The following DKKL1 variants were observed in gnomAD, a reference collection of about 807,000 sequenced individuals.
DKKL1 encodes dickkopf like acrosomal protein 1, also known as dickkopf-like protein 1.
DKKL1 carries 11 observed loss-of-function variants against 16.5 expected under a neutral mutation model. The observed-to-expected ratio is 0.67, with a 90% CI of 0.42 to 1.10. The LOEUF is 1.10. Among genes scored for constraint, DKKL1 ranks in the 50% least tolerant of loss-of-function variants. DKKL1 has a pLI of 0.00. For synonymous variants in DKKL1, 119 were observed against 133.2 expected (o/e 0.89, Z 0.73); for missense variants, 320 against 308.1 (o/e 1.04, Z -0.29).
At position 49,375,108 on chromosome 19, in the gene DKKL1, T is replaced by C; in HGVS notation, c.*80T>C. Reference sequence around the variant, plus strand: ...ACCATATGGAAATAAAGTTCTTTCTTACATCTAACAACACCATCTCCTTTC... The same window carrying C: ...ACCATATGGAAATAAAGTTCTTTCTCACATCTAACAACACCATCTCCTTTC... On this transcript the variant is annotated 3_prime_UTR_variant, in exon 5 of 5. Transcript: ENST00000221498. 1 of 1,434,906 alleles carries C rather than the reference T, an allele frequency of 7.0e-7. No homozygotes were observed. The allele number at this position is 1,434,906 out of a possible 1,614,324, so 88.9% of individuals were successfully genotyped here.
At chr19:49,362,792 C>G (rs1031392060), upstream of DKKL1, among the ~76,000 whole-genome samples, 4 of 151,504 alleles carry the variant, frequency 2.6e-5, no homozygotes, top group African/African-American at 9.7e-5. Context: ...CGGGGCTAGG[C>G]GCCTGGAATC....
At chr19:49,370,565 C>T (rs1171212448) in intron 4 of DKKL1, 1 of 151,670 alleles carries the variant, frequency 6.6e-6, no homozygotes, top group Non-Finnish European at 1.5e-5. Flanking sequence ...AATTTAAAGG[C>T]TGACAAATGA....
intron 4 of DKKL1, 96 bp downstream of exon 4, chr19:49,365,981 G>A (rs997481406): frequency 8.6e-7 from 1 of 1,164,550 alleles, no homozygotes; most frequent in Non-Finnish European, 1.2e-6. Flanking sequence ...AGGCTGGAGT[G>A]CAGTGGCACG....
Position 49,374,922 on chromosome 19 carries a change from C to T in DKKL1, c.623C>T (p.Thr208Ile), listed in dbSNP as rs532043098. The change falls in exon 5 of 5, where the codon ACC becomes ATC. Residue 208 changes from threonine to isoleucine, a missense_variant. By Grantham distance (89) the Thr-to-Ile change is moderately conservative. Coordinates refer to ENST00000221498, the MANE Select transcript of DKKL1 (RefSeq NM_014419.4). ...ATCCGGGATGGACTCCGCAAGGGGA[C>T]CCACAAGGACGTCCTAGAAGAGGGG... ...QAIRDGLRKG[T>I]HKDVLEEGTE... 333 of 1,613,956 alleles carry T rather than the reference C, an allele frequency of 2.1e-4. 3 individuals are homozygous for T. The South Asian group carries it at 3.5e-3, about 17-fold the overall frequency.
upstream of DKKL1, among the ~76,000 whole-genome samples, chr19:49,362,911 G>GGTTT (rs1555787010): frequency 3.1e-4 from 43 of 137,072 alleles, 1 homozygote; most frequent in African/African-American, 1.1e-3. Flanking sequence ...TTGGTTTTTG[G>GGTTT]TTTTTTTGTT....
chr19:49,364,044 AGTGAGGAAAAGACCATTGG>A, intron 1 of DKKL1, 36 bp downstream of exon 1: 1 of 1,611,530 alleles, frequency 6.2e-7, no homozygotes, highest in Non-Finnish European at 8.5e-7. Context: ...CGTGGGCGAA[AGTGAGGAAAAGACCATTGG>A]ATGAGGCCGG....
In DKKL1 at chr19:49,364,656, G is replaced by C; in HGVS notation, c.85G>C (p.Ala29Pro). 1 of 1,613,734 alleles carries C rather than the reference G, an allele frequency of 6.2e-7. No homozygotes were observed. Among genetic ancestry groups the C allele is most frequent in the Non-Finnish European group, 8.5e-7 (1 of 1,179,958 alleles). Reference sequence around the variant, plus strand: ...CCTCTCTACCCTGGTGATCCCCTCCGCTGCAGCTCCTATCCATGATGCTGA... The same window carrying C: ...CCTCTCTACCCTGGTGATCCCCTCCCCTGCAGCTCCTATCCATGATGCTGA... ...LLLSTLVIPS[A>P]AAPIHDADAQ... The change falls in exon 2 of 5, where the codon GCT (alanine) becomes CCT (proline). Residue 29 changes from alanine to proline, a missense_variant. By Grantham distance (27) the Ala-to-Pro change is conservative. Coordinates refer to ENST00000221498, the MANE Select transcript of DKKL1 (RefSeq NM_014419.4).
intron 4 of DKKL1, among the ~76,000 whole-genome samples, chr19:49,367,659 G>A (rs1973308489): frequency 6.6e-6 from 1 of 152,114 alleles, no homozygotes. Flanking sequence ...AACTGCCTTG[G>A]CCTCCCAAGG....
intron 4 of DKKL1, among the ~76,000 whole-genome samples, chr19:49,366,925 C>G (rs1453071119): frequency 1.3e-5 from 2 of 152,024 alleles, no homozygotes; most frequent in East Asian, 1.9e-4. Flanking sequence ...CCAGGCTGGT[C>G]TCGAACTCCT....
chr19:49,362,692 C>A (rs944718931), upstream of DKKL1, among the ~76,000 whole-genome samples: 1 of 150,282 alleles, frequency 6.7e-6, no homozygotes, highest in Non-Finnish European at 1.5e-5. Context: ...AGGCTGGGGG[C>A]TGGGACTCCT....
chr19:49,374,047 C>T (rs191469749), intron 4 of DKKL1, among the ~76,000 whole-genome samples: 2 of 151,722 alleles, frequency 1.3e-5, no homozygotes, highest in African/African-American at 4.8e-5. Context: ...TGCAGTGGTG[C>T]GATCTCGGCT....
In DKKL1 at chr19:49,374,717, G is replaced by C. The variant is rs1178323440; in HGVS notation, c.418G>C (p.Val140Leu). 2.0e-6 allele frequency: 3 copies of C among 1,520,424 alleles called. No homozygotes were observed. The highest frequency in any genetic ancestry group is 1.8e-6 in the Non-Finnish European group (2 of 1,133,758). 94.2% of individuals were successfully genotyped at this position (1,520,424 alleles called of 1,614,324 possible). A position where few individuals can be genotyped will look rare whatever the true frequency, so the allele number is the denominator to read the frequency against. Residue 140 changes from valine to leucine, a missense_variant and splice_region_variant, in exon 5 of 5, where the codon GTA (valine) becomes CTA (leucine). Coordinates refer to ENST00000221498, the MANE Select transcript of DKKL1 (RefSeq NM_014419.4). ...GGGTCTCCTTGTTCTTCCTCCCCAG[G>C]TACCCAGGATGGAGGAGAAGGAGGC... ...AEGSFEGDLK[V>L]PRMEEKEALV...
upstream of DKKL1, chr19:49,363,781 A>T: frequency 1.6e-6 from 1 of 635,778 alleles, no homozygotes; most frequent in Non-Finnish European, 2.9e-6. Flanking sequence ...CATGGAGTAG[A>T]GGCCCGGGCT....
intron 4 of DKKL1, among the ~76,000 whole-genome samples, chr19:49,372,621 G>A (rs901898905): frequency 6.6e-6 from 1 of 151,212 alleles, no homozygotes; most frequent in Admixed American, 6.6e-5. Flanking sequence ...GTGAACCCGG[G>A]AGGTGGAGCT....
upstream of DKKL1, among the ~76,000 whole-genome samples, chr19:49,362,921 T>C (rs1486871909): frequency 7.7e-6 from 1 of 130,714 alleles, no homozygotes; most frequent in African/African-American, 3.3e-5. Flanking sequence ...GTTTTTTTGT[T>C]TTTTGTTTTT....
rs369097091 is a variant in DKKL1 at position 49,365,187 on chromosome 19, C to T, written c.184-322C>T. 8.0e-5 allele frequency among the ~76,000 whole-genome samples: 12 copies of T among 150,854 alleles called. No individual in the cohort carries two copies. In the East Asian group the frequency reaches 2.3e-3, roughly 29 times the overall value. On this transcript the variant is annotated intron_variant, in intron 2 of 4. Coordinates refer to ENST00000221498, the MANE Select transcript of DKKL1 (RefSeq NM_014419.4). ...CTGTCTCTAAACAAATAAATATATA[C>T]GTGCATAAATAAGAGAGGAAAGGTA...
chr19:49,365,901 G>A lies in DKKL1; in HGVS notation c.417+16G>A, dbSNP rs750064168. 3.5e-5 allele frequency: 57 copies of A among 1,609,364 alleles called. No individual in the cohort carries two copies. The highest frequency in any genetic ancestry group is 4.4e-5 in the Non-Finnish European group (52 of 1,177,210). ...TGATTTGAAGGTTAGGACGTGCCCC[G>A]CCGTCAAAGTGTCCAGGCCCAAACA... is the stretch of plus-strand genomic sequence containing the variant. On this transcript the variant is annotated intron_variant, in intron 4 of 4. Coordinates refer to ENST00000221498, the MANE Select transcript of DKKL1 (RefSeq NM_014419.4).
At chr19:49,372,057 G>A (rs1177687242) in intron 4 of DKKL1, among the ~76,000 whole-genome samples, 3 of 152,116 alleles carry the variant, frequency 2.0e-5, no homozygotes, top group Admixed American at 2.0e-4. Context: ...CTTTGCTATT[G>A]TGAATAGTGC....
upstream of DKKL1, among the ~76,000 whole-genome samples, chr19:49,361,042 GAGACCAGAGA>G (rs1258020451): frequency 0.017 from 1,359 of 80,156 alleles, 100 homozygotes; most frequent in African/African-American, 0.07. Flanking sequence ...GGGGGGGACA[GAGACCAGAGA>G]GGGGGACAGA....
Sources: gnomAD v4.1 joint callset for allele counts (sites outside exome capture counted in the v4.1 genomes callset) on GRCh38, gnomAD v4.1.1 for gene constraint, MANE v1.5 for transcripts, NCBI Gene and HGNC (gene_info 2026-07-23, HGNC 2026-07-21) for gene names.